TECRL: variants seen among roughly 807,000 people sequenced by gnomAD.
TECRL encodes the protein trans-2,3-enoyl-CoA reductase-like.
A neutral mutation model predicts 52.8 loss-of-function variants in TECRL; 63 were observed. That is an observed-to-expected ratio of 1.19 (90% CI 0.97 to 1.47). The LOEUF is 1.47. Ranked by LOEUF, TECRL falls within the 40% of genes most tolerant of loss-of-function variation. TECRL has a pLI of 0.00. For synonymous variants in TECRL, 164 were observed against 141.9 expected (o/e 1.16, Z -1.10); for missense variants, 482 against 429.6 (o/e 1.12, Z -1.08).
chr4:64,294,304 A>T (rs781223504), intron 8 of TECRL, among the ~76,000 whole-genome samples: 1 of 152,032 alleles, frequency 6.6e-6, no homozygotes, highest in Non-Finnish European at 1.5e-5. Flanking sequence ...GCAATATCTT[A>T]TAATTTTATC....
At chr4:64,357,400 G>T (rs1720845786) in intron 2 of TECRL, among the ~76,000 whole-genome samples, 2 of 151,372 alleles carry the variant, frequency 1.3e-5, no homozygotes, top group African/African-American at 2.4e-5. Context: ...GAGATGTCAA[G>T]AAGTTATCTG....
At chr4:64,399,433 C>A (rs1034307065) in intron 1 of TECRL, among the ~76,000 whole-genome samples, 2 of 152,168 alleles carry the variant, frequency 1.3e-5, no homozygotes, top group African/African-American at 2.4e-5. Flanking sequence ...GGCTACTGAG[C>A]AACCACTTGC....
At chr4:64,381,735 A>G (rs961349703) in intron 1 of TECRL, among the ~76,000 whole-genome samples, 1 of 152,132 alleles carries the variant, frequency 6.6e-6, no homozygotes, top group African/African-American at 2.4e-5. Flanking sequence ...TATTCCTGGA[A>G]TAAATCCTAC....
rs1172582093 is a variant in TECRL at position 64,279,803 on chromosome 4, G to C, written c.*269C>G. 11 of 1,013,442 alleles carry C rather than the reference G, an allele frequency of 1.1e-5. No homozygotes were observed. Among genetic ancestry groups the C allele is most frequent in the African/African-American group, 1.7e-5 (1 of 58,006 alleles). 62.8% of individuals were successfully genotyped at this position (1,013,442 alleles called of 1,614,324 possible). A position where few individuals can be genotyped will look rare whatever the true frequency, so the allele number is the denominator to read the frequency against. ...TGTCTTATGCAAATAGTATTGTGAAGTATTAATGAAGTAAGACAATTTTAT... is the reference window on the plus strand; with the variant it reads ...TGTCTTATGCAAATAGTATTGTGAACTATTAATGAAGTAAGACAATTTTAT... On this transcript the variant is annotated 3_prime_UTR_variant, in exon 12 of 12. Coordinates refer to ENST00000381210, the MANE Select transcript of TECRL (RefSeq NM_001010874.5).
At chr4:64,365,540 A>G (rs1025678367) in intron 2 of TECRL, among the ~76,000 whole-genome samples, 4 of 152,132 alleles carry the variant, frequency 2.6e-5, no homozygotes, top group Non-Finnish European at 4.4e-5. Flanking sequence ...AAATTTTACA[A>G]TACAAAACCA....
intron 9 of TECRL, among the ~76,000 whole-genome samples, chr4:64,283,613 T>C (rs2109930239): frequency 6.6e-6 from 1 of 152,148 alleles, no homozygotes; most frequent in African/African-American, 2.4e-5. Context: ...TAAAAGCCAG[T>C]TGTGAAAGTT....
chr4:64,302,341 T>C (rs1724071712), intron 7 of TECRL, among the ~76,000 whole-genome samples: 1 of 151,336 alleles, frequency 6.6e-6, no homozygotes, highest in South Asian at 2.1e-4. Flanking sequence ...CAAACACTGT[T>C]ACCACAGAGA....
intron 3 of TECRL, among the ~76,000 whole-genome samples, chr4:64,324,771 CAT>C (rs150022809): frequency 3.9e-5 from 6 of 151,940 alleles, no homozygotes; most frequent in East Asian, 1.9e-4. Context: ...AAAATACATA[CAT>C]ATATATACAT....
At chr4:64,326,550 C>A (rs1718276271) in intron 3 of TECRL, among the ~76,000 whole-genome samples, 1 of 152,098 alleles carries the variant, frequency 6.6e-6, no homozygotes, top group African/African-American at 2.4e-5. Flanking sequence ...TACCTCTGCT[C>A]ATTTTTATAC....
intron 2 of TECRL, among the ~76,000 whole-genome samples, chr4:64,330,824 C>T (rs1359651238): frequency 6.6e-6 from 1 of 152,060 alleles, no homozygotes; most frequent in Non-Finnish European, 1.5e-5. Flanking sequence ...TTGAAGCATG[C>T]AGTCAATACA....
At chr4:64,365,767 A>G (rs2109635289) in intron 2 of TECRL, among the ~76,000 whole-genome samples, 1 of 152,270 alleles carries the variant, frequency 6.6e-6, no homozygotes, top group African/African-American at 2.4e-5. Flanking sequence ...ATGCTCATGT[A>G]TAAAAAGAAT....
chr4:64,350,835 G>A (rs1720341358), intron 2 of TECRL, among the ~76,000 whole-genome samples: 1 of 151,660 alleles, frequency 6.6e-6, no homozygotes, highest in Admixed American at 6.6e-5. Flanking sequence ...TGTTTCTCTA[G>A]AAACTCCAAC....
chr4:64,409,154 A>G lies in TECRL; in HGVS notation c.198T>C (p.Asp66=), dbSNP rs1196403232. 1.2e-6 allele frequency: 2 copies of G among 1,613,178 alleles called. No homozygotes were observed. The highest frequency in any genetic ancestry group is 1.7e-6 in the Non-Finnish European group (2 of 1,179,654). ...KTTHFEIEIF[D]AQTRKQICIL... is the part of the protein sequence containing the mutation. ...TACATATCTGTTTCCTTGTTTGAGC[A>G]TCAAATATTTCAATCTCAAAGTGAG... is the stretch of plus-strand genomic sequence containing the variant. Residue 66 remains aspartate (D), a synonymous_variant, in exon 1 of 12, where the codon GAT becomes GAC. Transcript: ENST00000381210.
chr4:64,311,836 CCCAA>C (rs1176157251), intron 5 of TECRL, among the ~76,000 whole-genome samples: 1 of 151,992 alleles, frequency 6.6e-6, no homozygotes, highest in Non-Finnish European at 1.5e-5. Flanking sequence ...AATTCTTTTT[CCCAA>C]CCAAAGTATT....
At chr4:64,308,051 A>C (rs543612123) in intron 6 of TECRL, among the ~76,000 whole-genome samples, 1 of 152,262 alleles carries the variant, frequency 6.6e-6, no homozygotes, top group African/African-American at 2.4e-5. Context: ...ACAGCCTGAA[A>C]AAGCCAGAGC....
intron 4 of TECRL, among the ~76,000 whole-genome samples, chr4:64,315,140 T>C (rs948237442): frequency 6.6e-6 from 1 of 152,104 alleles, no homozygotes; most frequent in Non-Finnish European, 1.5e-5. Context: ...AGCTAGAGTA[T>C]CTTTTTTCTT....
intron 2 of TECRL, among the ~76,000 whole-genome samples, chr4:64,355,291 T>C (rs1013515281): frequency 2.0e-5 from 3 of 152,248 alleles, no homozygotes; most frequent in East Asian, 1.9e-4. Flanking sequence ...AGATGAATAA[T>C]GTACTGTAGA....
intron 1 of TECRL, among the ~76,000 whole-genome samples, chr4:64,378,433 G>A (rs1722549425): frequency 6.6e-6 from 1 of 152,000 alleles, no homozygotes; most frequent in Non-Finnish European, 1.5e-5. Flanking sequence ...AGGGCATGGA[G>A]GGGTGTGTCT....
rs983489963 is a variant in TECRL, at chr4:64,319,057, T to A, written c.435+3632A>T. On this transcript the variant is annotated intron_variant, in intron 4 of 11. Transcript: ENST00000381210. ...TATTTATGAAATATTTTTACCTTAG[T>A]AAAATCAAATGTAAAAATGTATATT... is the stretch of plus-strand genomic sequence containing the variant. 9.9e-5 allele frequency among the ~76,000 whole-genome samples: 15 copies of A among 151,846 alleles called. 1 individual carries two copies. Among genetic ancestry groups the A allele is most frequent in the Admixed American group, 5.2e-4 (8 of 15,248 alleles).
Sources: allele counts gnomAD v4.1 joint callset (sites outside exome capture counted in the v4.1 genomes callset), GRCh38; gene constraint gnomAD v4.1.1; transcripts MANE v1.5; gene names NCBI Gene and HGNC (gene_info 2026-07-23, HGNC 2026-07-21).